UBE2E2: variants seen among roughly 807,000 people sequenced by gnomAD.
UBE2E2 encodes the protein ubiquitin conjugating enzyme E2 E2.
Under a neutral mutation model 24.7 loss-of-function variants are expected in UBE2E2, and 6 were observed. The ratio of observed to expected loss-of-function variants is 0.24; its 90% CI spans 0.13 to 0.48. UBE2E2 has a LOEUF of 0.48. UBE2E2 is among the 20% of genes least tolerant of loss of function. The probability of loss-of-function intolerance (pLI) is 0.99; values close to 1 mark genes in which losing one functional copy is unlikely to be tolerated. For synonymous variants in UBE2E2, 104 were observed against 83.6 expected (o/e 1.24, Z -1.33); for missense variants, 169 against 245.0 (o/e 0.69, Z 2.07).
In UBE2E2 at chr3:23,564,826, A is replaced by G. The variant is rs145803845; in HGVS notation, c.509-24908A>G. 2.6e-5 allele frequency among the ~76,000 whole-genome samples: 4 copies of G among 152,302 alleles called. No individual in the cohort carries two copies. In the East Asian group the frequency reaches 7.7e-4, roughly 29 times the overall value. ...GGAGAAAGAATTAAAGTAGTGTAAT[A>G]TAAATGTTGAAATGTATGTTTAAAA... On this transcript the variant is annotated intron_variant, in intron 5 of 5. Coordinates refer to ENST00000396703, the MANE Select transcript of UBE2E2 (RefSeq NM_152653.4).
rs199853898 is a variant in UBE2E2 at position 23,344,902 on chromosome 3, AT to A, written c.227+127600del. On this transcript the variant is annotated intron_variant, in intron 3 of 5. Coordinates refer to ENST00000396703, the MANE Select transcript of UBE2E2 (RefSeq NM_152653.4). The stretch of plus-strand genomic sequence containing the variant: ...TTGATGAATGAATTAATGAGGAAAG[AT>A]TTTTTTTTTGAAAAAGAAGTTTTAT... 1.2e-4 allele frequency among the ~76,000 whole-genome samples: 18 copies of A among 150,050 alleles called. 2 individuals carry two copies. Among genetic ancestry groups the A allele is most frequent in the Admixed American group, 3.3e-4 (5 of 15,036 alleles).
At position 23,407,738 on chromosome 3, in the gene UBE2E2, C is replaced by T. The variant is rs1391853367; in HGVS notation, c.228-91870C>T. On this transcript the variant is annotated intron_variant, in intron 3 of 5. Coordinates refer to ENST00000396703, the MANE Select transcript of UBE2E2 (RefSeq NM_152653.4). This position sits in a 1 kb window ranked among gnomAD's most constrained non-coding sequence, Gnocchi z 4.0. Reference sequence around the variant, plus strand: ...GCTTTATGCCGTTTTACTCCTAAACCTCTGTACATCTCAAATAAAACCTAA... The same window carrying T: ...GCTTTATGCCGTTTTACTCCTAAACTTCTGTACATCTCAAATAAAACCTAA... Among the ~76,000 whole-genome samples the T allele has an allele frequency of 6.6e-6, 1 of 151,480 alleles. No individual in the cohort carries two copies. Among genetic ancestry groups the T allele is most frequent in the Admixed American group, 6.6e-5 (1 of 15,108 alleles).
chr3:23,452,923 G>A (rs1698597791), intron 3 of UBE2E2, among the ~76,000 whole-genome samples: 1 of 152,134 alleles, frequency 6.6e-6, no homozygotes, highest in South Asian at 2.1e-4. Flanking sequence ...TAGCAACTAT[G>A]TATTCTGGAT....
At chr3:23,366,178 G>A (rs1696251610) in intron 3 of UBE2E2, among the ~76,000 whole-genome samples, 1 of 152,150 alleles carries the variant, frequency 6.6e-6, no homozygotes, top group African/African-American at 2.4e-5. Flanking sequence ...TGCTGTTGAG[G>A]TTGTGGAGAA....
intron 3 of UBE2E2, among the ~76,000 whole-genome samples, chr3:23,363,589 G>T (rs959935795): frequency 6.6e-6 from 1 of 152,178 alleles, no homozygotes; most frequent in African/African-American, 2.4e-5. Flanking sequence ...AATTCAACAA[G>T]AAGACTTAAT....
At chr3:23,512,455 A>G (rs1425337526) in intron 4 of UBE2E2, among the ~76,000 whole-genome samples, 5 of 151,938 alleles carry the variant, frequency 3.3e-5, no homozygotes, top group Non-Finnish European at 7.4e-5. Context: ...CCTGAGCTCA[A>G]CCAGTCCTCC....
chr3:23,363,690 A>G (rs1696185105), intron 3 of UBE2E2, among the ~76,000 whole-genome samples: 4 of 152,218 alleles, frequency 2.6e-5, no homozygotes, highest in Admixed American at 2.6e-4. Context: ...TAGCCACACA[A>G]TAGTAGTGAG....
At chr3:23,466,847 A>G (rs1698930008) in intron 3 of UBE2E2, among the ~76,000 whole-genome samples, 1 of 151,908 alleles carries the variant, frequency 6.6e-6, no homozygotes, top group Non-Finnish European at 1.5e-5. Flanking sequence ...GATTACAGGC[A>G]TGAGCCACCG....
At chr3:23,422,322 C>T (rs1203468611) in intron 3 of UBE2E2, among the ~76,000 whole-genome samples, 2 of 152,036 alleles carry the variant, frequency 1.3e-5, no homozygotes, top group Non-Finnish European at 2.9e-5. Flanking sequence ...TCCTGAGAGA[C>T]AACACTTGAA....
intron 5 of UBE2E2, among the ~76,000 whole-genome samples, chr3:23,553,089 A>C (rs1412267075): frequency 1.9e-5 from 2 of 106,718 alleles, no homozygotes; most frequent in African/African-American, 3.9e-5. Context: ...TAGGAGAAAA[A>C]TGAGAGAGAA....
At chr3:23,469,746 C>G (rs982068276) in intron 3 of UBE2E2, among the ~76,000 whole-genome samples, 1 of 152,212 alleles carries the variant, frequency 6.6e-6, no homozygotes, top group Non-Finnish European at 1.5e-5. Flanking sequence ...CATTGATTCA[C>G]TGCATTTCTC....
chr3:23,327,187 C>G (rs1387866649), intron 3 of UBE2E2, among the ~76,000 whole-genome samples: 1 of 151,862 alleles, frequency 6.6e-6, no homozygotes, highest in South Asian at 2.1e-4. Flanking sequence ...GGATATATAC[C>G]CAGTAATGGA....
intron 3 of UBE2E2, among the ~76,000 whole-genome samples, chr3:23,325,619 G>T (rs1045491441): frequency 3.9e-5 from 6 of 152,212 alleles, no homozygotes; most frequent in Non-Finnish European, 8.8e-5. Context: ...TAGTCAGAAT[G>T]TTTACACTTT....
intron 4 of UBE2E2, among the ~76,000 whole-genome samples, chr3:23,510,427 T>G (rs2125464624): frequency 6.6e-6 from 1 of 152,194 alleles, no homozygotes; most frequent in East Asian, 1.9e-4. Context: ...ACCAACATGG[T>G]GAAACCCTTT....
chr3:23,203,105 C>T (rs1696000443), upstream of UBE2E2: 11 of 980,218 alleles, frequency 1.1e-5, no homozygotes, highest in Non-Finnish European at 1.3e-5. Flanking sequence ...GGCACGCGCA[C>T]TCGCGGGTGC....
At position 23,268,114 on chromosome 3, in the gene UBE2E2, A is replaced by G. The variant is rs1262127533; in HGVS notation, c.227+50802A>G. 9.2e-5 allele frequency among the ~76,000 whole-genome samples: 14 copies of G among 151,794 alleles called. No homozygotes were observed. In the South Asian group the frequency reaches 2.9e-3, roughly 32 times the overall value. On this transcript the variant is annotated intron_variant, in intron 3 of 5. Transcript: ENST00000396703. ...AGGCAATATCATACTGAATGGGCAA[A>G]AACTGGAAGCATTCCCTTTGAGAAC... is the stretch of plus-strand genomic sequence containing the variant.
rs915025465 is a variant in UBE2E2, at chr3:23,261,393, T to C, written c.227+44081T>C. ...CATGGTGATTTGATACATGTTTATA[T>C]TGTGAAACTTACCGTAACCAAGTTA... On this transcript the variant is annotated intron_variant, in intron 3 of 5. Coordinates refer to ENST00000396703, the MANE Select transcript of UBE2E2 (RefSeq NM_152653.4). Among the ~76,000 whole-genome samples the C allele has an allele frequency of 2.0e-5, 3 of 152,332 alleles. 1 individual carries two copies. Among genetic ancestry groups the C allele is most frequent in the East Asian group, 3.9e-4 (2 of 5,192 alleles).
intron 3 of UBE2E2, among the ~76,000 whole-genome samples, chr3:23,367,747 C>A (rs1181333905): frequency 1.3e-5 from 2 of 152,146 alleles, no homozygotes; most frequent in Non-Finnish European, 2.9e-5. Context: ...GAGACCCAGA[C>A]TTGTGACTGT....
At chr3:23,279,784 A>G (rs978972768) in intron 3 of UBE2E2, among the ~76,000 whole-genome samples, 1 of 152,242 alleles carries the variant, frequency 6.6e-6, no homozygotes, top group Non-Finnish European at 1.5e-5. Context: ...TTTTCCTAGA[A>G]TGAGCTTCTG....
Sources: allele counts gnomAD v4.1 joint callset (sites outside exome capture counted in the v4.1 genomes callset), GRCh38; gene constraint gnomAD v4.1.1; non-coding constraint Gnocchi (gnomAD v3.1); transcripts MANE v1.5; gene names NCBI Gene and HGNC (gene_info 2026-07-23, HGNC 2026-07-21).